The following PURG variants were observed in gnomAD, a reference collection of about 807,000 sequenced individuals.
PURG encodes the protein purine rich element binding protein G.
In PURG, 3 loss-of-function variants were observed where a neutral mutation model predicts 24.3. The ratio of observed to expected loss-of-function variants is 0.12; its 90% CI spans 0.06 to 0.32. PURG has a LOEUF of 0.32. Ranked by LOEUF, PURG falls within the 10% of genes least tolerant of loss-of-function variation. The probability of loss-of-function intolerance (pLI) is 1.00; values close to 1 mark genes in which losing one functional copy is unlikely to be tolerated. For missense variants in PURG, 371 were observed against 439.1 expected, an observed-to-expected ratio of 0.84 and a Z score of 1.39; for synonymous variants, 180 against 173.1, an observed-to-expected ratio of 1.04 and a Z score of -0.31.
rs1413636891 is a variant in PURG, at chr8:31,032,900, C to T, written c.-6-112G>A. On this transcript the variant is annotated intron_variant, in intron 1 of 1. Coordinates refer to ENST00000523392, the MANE Select transcript of PURG (RefSeq NM_001323311.2). The surrounding 1 kb of genome is among the most constrained non-coding windows in gnomAD (Gnocchi z 5.9). The stretch of plus-strand genomic sequence containing the variant: ...CGCCGCCCGCGACCCCCACGCCGGG[C>T]CCGGCTCCCCCGGCGCCGCAGCGCG... The T allele has an allele frequency of 1.3e-6, 1 of 769,230 alleles. No individual in the cohort carries two copies. Among genetic ancestry groups the T allele is most frequent in the Admixed American group, 4.8e-5 (1 of 20,920 alleles). 47.7% of individuals were successfully genotyped at this position (769,230 alleles called of 1,614,324 possible).
intron 1 of PURG, among the ~76,000 whole-genome samples, chr8:31,024,719 TAA>T (rs1236638028): frequency 2.0e-5 from 3 of 152,064 alleles, no homozygotes; most frequent in African/African-American, 7.2e-5. Flanking sequence ...GTTTTGAATA[TAA>T]AAGTTTCTGA....
chr8:31,030,392 T>C (rs1020684292), downstream of PURG, among the ~76,000 whole-genome samples: 2 of 151,986 alleles, frequency 1.3e-5, no homozygotes, highest in African/African-American at 2.4e-5. Flanking sequence ...ATAGATGTAA[T>C]TTCAGTCAAT....
Position 31,002,162 on chromosome 8 carries a change from G to C in PURG, c.865-5465C>G, listed in dbSNP as rs540292301. Reference sequence around the variant, plus strand: ...TACAAAGGGGATCTGGGGACTACTAGTTCTTCATTGTTTTGGAAATTAGGG... The same window carrying C: ...TACAAAGGGGATCTGGGGACTACTACTTCTTCATTGTTTTGGAAATTAGGG... On this transcript the variant is annotated intron_variant, in intron 1 of 1. Transcript: ENST00000339382. Among the ~76,000 whole-genome samples the C allele has an allele frequency of 6.6e-5, 10 of 152,238 alleles. No homozygotes were observed. In the East Asian group the frequency reaches 1.5e-3, roughly 23 times the overall value.
At chr8:31,009,832 GAA>G (rs1463227696) in intron 1 of PURG, among the ~76,000 whole-genome samples, 1 of 152,132 alleles carries the variant, frequency 6.6e-6, no homozygotes, top group East Asian at 1.9e-4. Context: ...ACAGGTTTCT[GAA>G]AAAGTCTGCT....
chr8:31,008,535 C>T (rs1031135184), intron 1 of PURG, among the ~76,000 whole-genome samples: 1 of 152,186 alleles, frequency 6.6e-6, no homozygotes, highest in Non-Finnish European at 1.5e-5. Context: ...AATGCCTGAC[C>T]TCAAGTGAGG....
chr8:31,007,073 C>T (rs1585355238), intron 1 of PURG, among the ~76,000 whole-genome samples: 5 of 152,134 alleles, frequency 3.3e-5, no homozygotes, highest in African/African-American at 1.2e-4. Flanking sequence ...CTTTTAAAAA[C>T]TCAATTAGTG....
chr8:30,997,444 A>ACAT (rs1041626308), intron 1 of PURG, among the ~76,000 whole-genome samples: 6 of 151,674 alleles, frequency 4.0e-5, no homozygotes, highest in Admixed American at 1.3e-4. Context: ...CAAACAACTG[A>ACAT]CATGGAATTT....
chr8:31,018,382 C>T (rs912775354), intron 1 of PURG, among the ~76,000 whole-genome samples: 1 of 152,188 alleles, frequency 6.6e-6, no homozygotes, highest in Non-Finnish European at 1.5e-5. Flanking sequence ...TTTATTAATT[C>T]CCTTTATGCA....
intron 1 of PURG, among the ~76,000 whole-genome samples, chr8:31,013,266 AGAG>A (rs1328679075): frequency 6.6e-6 from 1 of 152,220 alleles, no homozygotes; most frequent in Admixed American, 6.5e-5. Context: ...ACTTGCTTAA[AGAG>A]GAGTACGGTT....
chr8:31,004,631 C>G (rs1403301673), intron 1 of PURG, among the ~76,000 whole-genome samples: 1 of 152,080 alleles, frequency 6.6e-6, no homozygotes, highest in African/African-American at 2.4e-5. Context: ...CAAGATTGTG[C>G]CACTGCACTC....
chr8:30,999,229 T>C (rs1810489015), intron 1 of PURG, among the ~76,000 whole-genome samples: 2 of 151,856 alleles, frequency 1.3e-5, no homozygotes, highest in Admixed American at 1.3e-4. Context: ...ATTATGACTA[T>C]ATGGACATCA....
intron 1 of PURG, among the ~76,000 whole-genome samples, chr8:31,021,963 A>C (rs540025260): frequency 2.8e-3 from 402 of 146,124 alleles, no homozygotes; most frequent in Non-Finnish European, 4.6e-3. Context: ...GACCAAATTC[A>C]TTTCTTTCTT....
intron 1 of PURG, among the ~76,000 whole-genome samples, chr8:31,018,371 A>C (rs1025182952): frequency 1.3e-5 from 2 of 152,176 alleles, no homozygotes; most frequent in African/African-American, 4.8e-5. Context: ...ACCTTTTCTG[A>C]TTTATTAATT....
intron 1 of PURG, among the ~76,000 whole-genome samples, chr8:31,012,332 A>T (rs1020837140): frequency 2.0e-5 from 3 of 152,206 alleles, no homozygotes; most frequent in Admixed American, 6.5e-5. Context: ...GATAAGTCTT[A>T]TTGATTATAT....
At chr8:31,023,075 A>AT (rs1468317743) in intron 1 of PURG, among the ~76,000 whole-genome samples, 1 of 152,240 alleles carries the variant, frequency 6.6e-6, no homozygotes, top group East Asian at 1.9e-4. Context: ...ATTCTCTCAA[A>AT]TCCCACTTAG....
At chr8:31,015,459 T>C (rs951909573) in intron 1 of PURG, among the ~76,000 whole-genome samples, 1 of 152,074 alleles carries the variant, frequency 6.6e-6, no homozygotes, top group East Asian at 1.9e-4. Context: ...AGGTTTATAC[T>C]GCATATATAT....
intron 1 of PURG, among the ~76,000 whole-genome samples, chr8:31,017,855 C>T (rs557694266): frequency 1.4e-4 from 21 of 152,020 alleles, no homozygotes; most frequent in South Asian, 4.1e-4. Flanking sequence ...ATAGATGTTT[C>T]GACTTTTAAA....
At chr8:31,012,734 C>T (rs1355944828) in intron 1 of PURG, among the ~76,000 whole-genome samples, 1 of 152,204 alleles carries the variant, frequency 6.6e-6, no homozygotes, top group Non-Finnish European at 1.5e-5. Flanking sequence ...GCCCCAGGCC[C>T]AGCTAGAAGG....
At chr8:31,015,810 G>T (rs989081833) in intron 1 of PURG, among the ~76,000 whole-genome samples, 7 of 152,144 alleles carry the variant, frequency 4.6e-5, no homozygotes, top group Admixed American at 3.3e-4. Flanking sequence ...CAGCACTTTG[G>T]AAGGCTGAGG....
Sources: gnomAD v4.1 joint callset for allele counts (sites outside exome capture counted in the v4.1 genomes callset) on GRCh38, gnomAD v4.1.1 for gene constraint, Gnocchi (gnomAD v3.1) non-coding constraint, MANE v1.5 for transcripts, NCBI Gene and HGNC (gene_info 2026-07-23, HGNC 2026-07-21) for gene names.